ATP10A: variants seen among roughly 807,000 people sequenced by gnomAD.
ATP10A encodes ATPase phospholipid transporting 10A (putative), also known as phospholipid-transporting ATPase VA.
ATP10A carries 111 observed loss-of-function variants against 147.8 expected under a neutral mutation model. That is an observed-to-expected ratio of 0.75 (90% confidence interval 0.64 to 0.88). The LOEUF (loss-of-function observed/expected upper bound fraction) is 0.88, where lower values mean the gene tolerates loss of function less well. Ranked by LOEUF, ATP10A falls within the 40% of genes least tolerant of loss-of-function variation. ATP10A has a pLI of 0.00. For synonymous variants in ATP10A, 875 were observed against 841.6 expected, an observed-to-expected ratio of 1.04 and a Z score of -0.69; for missense variants, 1,927 against 1,959.0, an observed-to-expected ratio of 0.98 and a Z score of 0.31.
intron 3 of ATP10A, among the ~76,000 whole-genome samples, chr15:25,731,981 G>A (rs1211664337): frequency 1.3e-5 from 2 of 151,976 alleles, no homozygotes; most frequent in African/African-American, 4.8e-5. Context: ...TCAACCTCCT[G>A]AGTTTCTGTG....
chr15:25,857,743 T>C (rs1266526155), intron 1 of ATP10A, among the ~76,000 whole-genome samples: 9 of 152,192 alleles, frequency 5.9e-5, no homozygotes, highest in Admixed American at 2.6e-4. Context: ...CCTGTTGTTC[T>C]TGGGGTGGGA....
rs549463831 is a variant in ATP10A, at chr15:25,735,818, C to T, written c.740+238G>A. Among the ~76,000 whole-genome samples the T allele has an allele frequency of 2.0e-5, 3 of 152,294 alleles. No homozygotes were observed. The South Asian group carries it at 6.2e-4, about 32-fold the overall frequency. ...GCTAGCGGGAGGAAAAGCGGTACCT[C>T]CTCCTCACAGATGGTAGTGGCAAGC... On this transcript the variant is annotated intron_variant, in intron 3 of 20. Transcript: ENST00000555815.
chr15:25,687,643 G>A lies in ATP10A; in HGVS notation c.3291+60C>T, dbSNP rs922740302. The A allele has an allele frequency of 7.9e-5, 93 of 1,180,158 alleles. No homozygotes were observed. In the East Asian group the frequency reaches 1.5e-3, roughly 19 times the overall value. 73.1% of individuals were successfully genotyped at this position (1,180,158 alleles called of 1,614,324 possible). Reference sequence around the variant, plus strand: ...CCATCCTCCTTCGCCTCATTCAGGCGATGGTCCTAAGAACCGAACCTTCCA... The same window carrying A: ...CCATCCTCCTTCGCCTCATTCAGGCAATGGTCCTAAGAACCGAACCTTCCA... On this transcript the variant is annotated intron_variant, in intron 16 of 20. Coordinates refer to ENST00000555815, the MANE Select transcript of ATP10A (RefSeq NM_024490.4).
chr15:25,721,735 T>C lies in ATP10A; in HGVS notation c.1285A>G (p.Thr429Ala). Residue 429 changes from threonine (T) to alanine (A), a missense_variant, in exon 7 of 21, where the codon ACT becomes GCT. Transcript: ENST00000555815. ...GQIQYIFSDK[T>A]GTLTENKMVF... Reference sequence around the variant, plus strand: ...ATCTTATTCTCTGTCAAAGTGCCAGTTTTATCTGAGAAAATGTACTGTATC... The same window carrying C: ...ATCTTATTCTCTGTCAAAGTGCCAGCTTTATCTGAGAAAATGTACTGTATC... 6.2e-7 allele frequency: 1 copy of C among 1,614,132 alleles called. No homozygotes were observed. The highest frequency in any genetic ancestry group is 1.1e-5 in the South Asian group (1 of 91,070).
At position 25,682,638 on chromosome 15, in the gene ATP10A, C is replaced by T. The variant is rs562735166; in HGVS notation, c.3492+648G>A. On this transcript the variant is annotated intron_variant, in intron 17 of 20. Transcript: ENST00000555815. The stretch of plus-strand genomic sequence containing the variant: ...GGCCCTGCTCCCCTCCCTGGCCCTT[C>T]GCCTCCTGGCACCCCGTGCATGCGG... Among the ~76,000 whole-genome samples, 48 of 152,358 alleles carry T rather than the reference C, an allele frequency of 3.2e-4. No individual in the cohort carries two copies. In the South Asian group the frequency reaches 7.0e-3, roughly 22 times the overall value.
At chr15:25,792,777 G>A (rs997234540) in intron 1 of ATP10A, among the ~76,000 whole-genome samples, 4 of 152,070 alleles carry the variant, frequency 2.6e-5, no homozygotes, top group African/African-American at 7.2e-5. Flanking sequence ...TCCCCTGCCA[G>A]GGCAGGGCTC....
At position 25,782,560 on chromosome 15, in the gene ATP10A, T is replaced by C. The variant is rs75826954; in HGVS notation, c.450-1337A>G. Among the ~76,000 whole-genome samples, 1,054 of 152,302 alleles carry C rather than the reference T, an allele frequency of 6.9e-3. 14 individuals are homozygous for C. Among genetic ancestry groups the C allele is most frequent in the African/African-American group, 0.023 (943 of 41,560 alleles). On this transcript the variant is annotated intron_variant, in intron 1 of 20. Coordinates refer to ENST00000555815, the MANE Select transcript of ATP10A (RefSeq NM_024490.4). ...CTTAAAGTGCAGCAGGTAAGGGAGATACTTGGCAGTTGGAAGGCCCCCTTA... is the reference window on the plus strand; with the variant it reads ...CTTAAAGTGCAGCAGGTAAGGGAGACACTTGGCAGTTGGAAGGCCCCCTTA...
chr15:25,826,506 G>A (rs1596961498), intron 1 of ATP10A, among the ~76,000 whole-genome samples: 1 of 152,156 alleles, frequency 6.6e-6, no homozygotes, highest in Non-Finnish European at 1.5e-5. Flanking sequence ...AGGTTGCAGT[G>A]AGCCGATATT....
intron 1 of ATP10A, among the ~76,000 whole-genome samples, chr15:25,861,205 T>C (rs1244580234): frequency 1.3e-5 from 2 of 152,184 alleles, no homozygotes; most frequent in Non-Finnish European, 2.9e-5. Flanking sequence ...CACGCTAATC[T>C]AATACATTCC....
At chr15:25,762,739 C>T (rs1888824454) in intron 2 of ATP10A, among the ~76,000 whole-genome samples, 2 of 151,980 alleles carry the variant, frequency 1.3e-5, no homozygotes, top group African/African-American at 4.8e-5. Flanking sequence ...GGCACCATGC[C>T]CAGCTAAGTT....
chr15:25,768,251 G>A (rs139137566), intron 2 of ATP10A, among the ~76,000 whole-genome samples: 1,564 of 152,316 alleles, frequency 0.01, 15 homozygotes, highest in Non-Finnish European at 0.015. Context: ...GCTGGTGAGC[G>A]GCAGGGGCTC....
chr15:25,831,703 C>T (rs542338926), intron 1 of ATP10A, among the ~76,000 whole-genome samples: 4 of 152,314 alleles, frequency 2.6e-5, no homozygotes, highest in Admixed American at 6.5e-5. Context: ...CACCTCACTG[C>T]CTGACCCAGG....
intron 1 of ATP10A, among the ~76,000 whole-genome samples, chr15:25,843,132 A>G (rs897446682): frequency 2.0e-5 from 3 of 152,036 alleles, no homozygotes; most frequent in Non-Finnish European, 4.4e-5. Flanking sequence ...ATTAAGCTAA[A>G]CTCATGTCCA....
intron 12 of ATP10A, among the ~76,000 whole-genome samples, chr15:25,706,645 A>G (rs965247642): frequency 1.4e-4 from 22 of 152,294 alleles, no homozygotes; most frequent in African/African-American, 4.8e-4. Flanking sequence ...CAAATAGTCA[A>G]GGTTTCATCA....
chr15:25,724,354 G>A (rs1000743018), intron 5 of ATP10A, among the ~76,000 whole-genome samples: 2 of 152,314 alleles, frequency 1.3e-5, no homozygotes, highest in Middle Eastern at 3.4e-3. Flanking sequence ...CGCATCTCAC[G>A]AAATACCTGT....
intron 2 of ATP10A, among the ~76,000 whole-genome samples, chr15:25,770,794 C>G (rs1244981229): frequency 1.3e-5 from 2 of 152,164 alleles, no homozygotes; most frequent in East Asian, 3.9e-4. Flanking sequence ...AGCAATACCT[C>G]AAGCCTGCCC....
At chr15:25,698,501 G>A (rs530728047) in intron 13 of ATP10A, among the ~76,000 whole-genome samples, 1 of 150,938 alleles carries the variant, frequency 6.6e-6, no homozygotes, top group Non-Finnish European at 1.5e-5. Context: ...CAGAATAGGT[G>A]GTAATTGACT....
chr15:25,857,522 G>A (rs1408335060), intron 1 of ATP10A, among the ~76,000 whole-genome samples: 1 of 152,116 alleles, frequency 6.6e-6, no homozygotes, highest in Non-Finnish European at 1.5e-5. Context: ...CTTTTCTAAA[G>A]ACAAATACTG....
chr15:25,837,682 A>G (rs1265738402), intron 1 of ATP10A, among the ~76,000 whole-genome samples: 3 of 152,230 alleles, frequency 2.0e-5, no homozygotes, highest in Non-Finnish European at 2.9e-5. Flanking sequence ...CCACTGGGTA[A>G]TGGACCAGAA....
Sources: allele counts gnomAD v4.1 joint callset (sites outside exome capture counted in the v4.1 genomes callset), GRCh38; gene constraint gnomAD v4.1.1; transcripts MANE v1.5; gene names NCBI Gene and HGNC (gene_info 2026-07-23, HGNC 2026-07-21).